Variants in UNC5C observed in about 807,000 individuals in gnomAD.
UNC5C encodes the protein unc-5 netrin receptor C.
Under a neutral mutation model 99.8 loss-of-function variants are expected in UNC5C, and 47 were observed. The observed-to-expected ratio is 0.47, with a 90% CI of 0.37 to 0.60. UNC5C has a LOEUF of 0.60. Among genes scored for constraint, UNC5C ranks in the 20% least tolerant of loss-of-function variants. The probability of loss-of-function intolerance (pLI) is 0.00; values close to 1 mark genes in which losing one functional copy is unlikely to be tolerated. For synonymous variants in UNC5C, 487 were observed against 452.2 expected (o/e 1.08, Z -0.98); for missense variants, 1,062 against 1,165.9 (o/e 0.91, Z 1.30).
intron 4 of UNC5C, among the ~76,000 whole-genome samples, chr4:95,260,763 A>G (rs191874033): frequency 6.6e-6 from 1 of 152,300 alleles, no homozygotes; most frequent in East Asian, 1.9e-4. Context: ...TCAAAAGAAG[A>G]ACATTTTCCT....
At chr4:95,175,690 T>G (rs1736311943) in intron 14 of UNC5C, among the ~76,000 whole-genome samples, 1 of 152,184 alleles carries the variant, frequency 6.6e-6, no homozygotes, top group South Asian at 2.1e-4. Context: ...TTTCCTTCAT[T>G]TCAACTTTGG....
At position 95,400,384 on chromosome 4, in the gene UNC5C, C is replaced by CTTT. The variant is rs1171870515; in HGVS notation, c.125-64756_125-64754dup. ...TTCCACAGCCACAGTGAGATGAATT[C>CTTT]TTTTTTTTTTTTTTTTTTTTTTTTT... On this transcript the variant is annotated intron_variant, in intron 1 of 15. Coordinates refer to ENST00000453304, the MANE Select transcript of UNC5C (RefSeq NM_003728.4). 4.4e-3 allele frequency among the ~76,000 whole-genome samples: 288 copies of CTTT among 65,794 alleles called. 40 individuals carry two copies. Among genetic ancestry groups the CTTT allele is most frequent in the Middle Eastern group, 0.013 (1 of 76 alleles). The allele number at this position is 65,794 out of a possible 152,430, so 43.2% of individuals were successfully genotyped here.
intron 1 of UNC5C, among the ~76,000 whole-genome samples, chr4:95,444,063 G>A (rs17023892): frequency 1.3e-5 from 2 of 152,150 alleles, no homozygotes; most frequent in African/African-American, 2.4e-5. Context: ...TATGCTAATG[G>A]TCTCCTGAAT....
intron 12 of UNC5C, among the ~76,000 whole-genome samples, chr4:95,196,031 A>G (rs1737367054): frequency 6.6e-6 from 1 of 152,162 alleles, no homozygotes; most frequent in African/African-American, 2.4e-5. Flanking sequence ...TTAGGTTCTG[A>G]ATCTCAGAGT....
intron 12 of UNC5C, among the ~76,000 whole-genome samples, chr4:95,190,479 T>TAA (rs1560722433): frequency 6.6e-6 from 1 of 151,264 alleles, no homozygotes; most frequent in Admixed American, 6.6e-5. Flanking sequence ...CCCGAGAACT[T>TAA]AAAGTAGAAT....
intron 1 of UNC5C, among the ~76,000 whole-genome samples, chr4:95,406,806 G>T (rs1022109707): frequency 3.3e-5 from 5 of 152,070 alleles, no homozygotes; most frequent in Admixed American, 3.3e-4. Context: ...AAAATGTTAA[G>T]AAAAAGCAAT....
chr4:95,481,291 C>A (rs1300361431), intron 1 of UNC5C, among the ~76,000 whole-genome samples: 4 of 151,988 alleles, frequency 2.6e-5, no homozygotes, highest in Admixed American at 6.6e-5. Flanking sequence ...ACTTAGGAAT[C>A]CAACTTAAAA....
At chr4:95,402,841 C>G (rs1483476904) in intron 1 of UNC5C, among the ~76,000 whole-genome samples, 1 of 152,162 alleles carries the variant, frequency 6.6e-6, no homozygotes, top group Non-Finnish European at 1.5e-5. Flanking sequence ...GTCCCCTAGT[C>G]TAAAGAGATT....
chr4:95,286,777 C>T (rs755055532), intron 3 of UNC5C, among the ~76,000 whole-genome samples: 37 of 152,156 alleles, frequency 2.4e-4, no homozygotes, highest in Admixed American at 2.3e-3. Flanking sequence ...TACTTAGCTC[C>T]GGCTGCATGG....
intron 3 of UNC5C, among the ~76,000 whole-genome samples, chr4:95,293,270 T>C (rs932933388): frequency 6.6e-6 from 1 of 151,626 alleles, no homozygotes; most frequent in African/African-American, 2.4e-5. Flanking sequence ...TCTGTTTATG[T>C]TTCTGTATTA....
At chr4:95,509,678 A>G (rs960855911) in intron 1 of UNC5C, among the ~76,000 whole-genome samples, 2 of 151,850 alleles carry the variant, frequency 1.3e-5, no homozygotes, top group African/African-American at 2.4e-5. Flanking sequence ...AGAAAAATAC[A>G]TTTCGTGAAA....
At chr4:95,470,532 G>C (rs994742226) in intron 1 of UNC5C, among the ~76,000 whole-genome samples, 5 of 152,050 alleles carry the variant, frequency 3.3e-5, no homozygotes, top group Non-Finnish European at 1.5e-5. Flanking sequence ...ACCTTGAGTA[G>C]CTCTAGTGTT....
intron 1 of UNC5C, among the ~76,000 whole-genome samples, chr4:95,345,235 A>C (rs1743727630): frequency 6.6e-6 from 1 of 152,032 alleles, no homozygotes; most frequent in Non-Finnish European, 1.5e-5. Context: ...CAATACAAAA[A>C]CTATATAAAG....
chr4:95,477,180 A>T (rs1234212435), intron 1 of UNC5C, among the ~76,000 whole-genome samples: 1 of 152,058 alleles, frequency 6.6e-6, no homozygotes, highest in Non-Finnish European at 1.5e-5. Flanking sequence ...TGGCTATGAC[A>T]TATATTAGGT....
intron 1 of UNC5C, among the ~76,000 whole-genome samples, chr4:95,336,026 A>G (rs1197308588): frequency 6.6e-6 from 1 of 151,922 alleles, no homozygotes; most frequent in African/African-American, 2.4e-5. Flanking sequence ...TGTATTTGAA[A>G]ATCATAAGGC....
chr4:95,257,372 C>G (rs2149384981), intron 4 of UNC5C, among the ~76,000 whole-genome samples: 1 of 152,034 alleles, frequency 6.6e-6, no homozygotes, highest in Middle Eastern at 3.4e-3. Flanking sequence ...CCACTGCACT[C>G]CAGCCTGGGT....
intron 1 of UNC5C, among the ~76,000 whole-genome samples, chr4:95,460,508 T>A (rs2087710475): frequency 2.0e-5 from 3 of 152,114 alleles, no homozygotes; most frequent in Admixed American, 2.0e-4. Context: ...ACTGTTCTCA[T>A]GGTAGTGAAT....
chr4:95,178,532 C>T (rs1301196035), intron 14 of UNC5C, among the ~76,000 whole-genome samples: 1 of 152,210 alleles, frequency 6.6e-6, no homozygotes, highest in Non-Finnish European at 1.5e-5. Context: ...GTGCCCCACA[C>T]ACAAGAAGCT....
intron 1 of UNC5C, among the ~76,000 whole-genome samples, chr4:95,423,448 G>A (rs1017175337): frequency 1.4e-4 from 21 of 152,264 alleles, no homozygotes; most frequent in African/African-American, 4.6e-4. Flanking sequence ...ATGGAATTAC[G>A]AGGTCATGGA....
Sources: allele counts gnomAD v4.1 joint callset (sites outside exome capture counted in the v4.1 genomes callset), GRCh38; gene constraint gnomAD v4.1.1; transcripts MANE v1.5; gene names NCBI Gene and HGNC (gene_info 2026-07-23, HGNC 2026-07-21).